Variants in ULK3 observed in about 807,000 individuals in gnomAD.
ULK3 encodes serine/threonine-protein kinase ULK3.
ULK3 carries 54 observed loss-of-function variants against 69.4 expected under a neutral mutation model. The observed-to-expected ratio is 0.78, with a 90% CI of 0.63 to 0.98. ULK3 has a LOEUF of 0.98. ULK3 is among the 50% of genes least tolerant of loss of function. The pLI is 0.00. For synonymous variants in ULK3, 240 were observed against 254.5 expected (o/e 0.94, Z 0.54); for missense variants, 558 against 627.7 (o/e 0.89, Z 1.19).
At chr15:74,839,088 C>T in intron 8 of ULK3, 38 bp from the exon 9 acceptor site, 1 of 1,582,640 alleles carries the variant, frequency 6.3e-7, no homozygotes. Flanking sequence ...TCTGGGCGAA[C>T]CCCTCCCTGC....
Position 74,842,553 on chromosome 15 carries a change from G to T in ULK3, c.103-133C>A. ...GGTCTACCTACTGCACACCAGCACC[G>T]GGCTTCCCAGCTTTCCCTTGTGAGG... On this transcript the variant is annotated intron_variant, in intron 1 of 15. Transcript: ENST00000440863. This position sits in a 1 kb window ranked among gnomAD's most constrained non-coding sequence, Gnocchi z 4.9. 7.3e-7 allele frequency: 1 copy of T among 1,379,210 alleles called. No homozygotes were observed. Among genetic ancestry groups the T allele is most frequent in the Non-Finnish European group, 9.7e-7 (1 of 1,034,476 alleles). 85.4% of individuals were successfully genotyped at this position (1,379,210 alleles called of 1,614,324 possible).
In ULK3 at chr15:74,842,598, C is replaced by T. The variant is rs1432457876; in HGVS notation, c.103-178G>A. 1.3e-6 allele frequency: 2 copies of T among 1,550,414 alleles called. No individual in the cohort carries two copies. The highest frequency in any genetic ancestry group is 2.4e-5 in the East Asian group (1 of 41,856). Reference sequence around the variant, plus strand: ...GTGAGGCCAGTGAGGAATGCTGATTCTGGAATCCTGGCTTCCCGACACAGC... The same window carrying T: ...GTGAGGCCAGTGAGGAATGCTGATTTTGGAATCCTGGCTTCCCGACACAGC... On this transcript the variant is annotated intron_variant, in intron 1 of 15. Transcript: ENST00000440863. The surrounding 1 kb of genome is among the most constrained non-coding windows in gnomAD (Gnocchi z 4.9).
rs948014322 is a variant in ULK3, at chr15:74,837,047, T to C, written c.*181A>G. The C allele has an allele frequency of 6.4e-6, 5 of 779,106 alleles. No homozygotes were observed. The highest frequency in any genetic ancestry group is 2.0e-6 in the Non-Finnish European group (1 of 507,744). 48.3% of individuals were successfully genotyped at this position (779,106 alleles called of 1,614,324 possible). A position where few individuals can be genotyped will look rare whatever the true frequency, so the allele number is the denominator to read the frequency against. ...AGTATACAGCACAGCCATCAAACCA[T>C]CTGTGGGGTGCAGAGTAACCTGAGG... On this transcript the variant is annotated 3_prime_UTR_variant, in exon 16 of 16. Coordinates refer to ENST00000440863, the MANE Select transcript of ULK3 (RefSeq NM_001099436.4).
At position 74,842,605 on chromosome 15, in the gene ULK3, C is replaced by A; in HGVS notation, c.103-185G>T. 1 of 1,544,090 alleles carries A rather than the reference C, an allele frequency of 6.5e-7. No individual in the cohort carries two copies. Among genetic ancestry groups the A allele is most frequent in the Non-Finnish European group, 8.7e-7 (1 of 1,151,902 alleles). On this transcript the variant is annotated intron_variant, in intron 1 of 15. Coordinates refer to ENST00000440863, the MANE Select transcript of ULK3 (RefSeq NM_001099436.4). The surrounding 1 kb of genome is among the most constrained non-coding windows in gnomAD (Gnocchi z 4.9). ...CAGTGAGGAATGCTGATTCTGGAAT[C>A]CTGGCTTCCCGACACAGCCTCAGCC...
chr15:74,840,273 C>G lies in ULK3; in HGVS notation c.657G>C (p.Ser219=). The G allele has an allele frequency of 6.2e-7, 1 of 1,611,326 alleles. No individual in the cohort carries two copies. The highest frequency in any genetic ancestry group is 8.5e-7 in the Non-Finnish European group (1 of 1,178,926). The change falls in exon 6 of 16, where the codon TCG becomes TCC. Residue 219 remains serine (S), a synonymous_variant. Coordinates refer to ENST00000440863, the MANE Select transcript of ULK3 (RefSeq NM_001099436.4). ...GQPPFASRSF[S]ELEEKIRSNR... ...TGCTACGGATCTTCTCTTCCAGCTC[C>G]GAGAACGACCTGGAGGCAAAGGGGG...
Position 74,838,143 on chromosome 15 carries a change from A to T in ULK3, c.1287+9T>A, listed in dbSNP as rs1244405038. On this transcript the variant is annotated intron_variant, in intron 13 of 15. Transcript: ENST00000440863. ...GAAGCCCCCCAACCCTCTCAAGCTC[A>T]GTGGGCACCTCAGTGTGAAGCAGCT... The T allele has an allele frequency of 1.3e-6, 2 of 1,554,196 alleles. No individual in the cohort carries two copies. Among genetic ancestry groups the T allele is most frequent in the East Asian group, 4.8e-5 (2 of 41,286 alleles).
chr15:74,841,483 G>T lies in ULK3; in HGVS notation c.391C>A (p.Arg131=). ...LASALQFLHE[R]NISHLDLKPQ... Reference sequence around the variant, plus strand: ...TTCAGATCCAGGTGAGAGATATTCCGTTCATGCAGGAATTGCAGGGCGCTA... The same window carrying T: ...TTCAGATCCAGGTGAGAGATATTCCTTTCATGCAGGAATTGCAGGGCGCTA... The change falls in exon 4 of 16, where the codon CGG becomes AGG. Residue 131 remains arginine (R), a synonymous_variant. Coordinates refer to ENST00000440863, the MANE Select transcript of ULK3 (RefSeq NM_001099436.4). The T allele has an allele frequency of 6.2e-7, 1 of 1,613,870 alleles. No homozygotes were observed. Among genetic ancestry groups the T allele is most frequent in the Non-Finnish European group, 8.5e-7 (1 of 1,179,832 alleles).
At chr15:74,837,992 C>G in intron 13 of ULK3, 160 bp downstream of exon 13, 5 of 1,292,848 alleles carry the variant, frequency 3.9e-6, no homozygotes, top group Non-Finnish European at 5.3e-6. Context: ...CCCAGATCCC[C>G]CACTGCCCTG....
chr15:74,842,952 G>C lies in ULK3; in HGVS notation c.102+52C>G. ...CTAACCTCTCAGAGTCTCCCCGGCC[G>C]GCACCAGCCGAGCTAGCTCGGGCGG... On this transcript the variant is annotated intron_variant, in intron 1 of 15. Coordinates refer to ENST00000440863, the MANE Select transcript of ULK3 (RefSeq NM_001099436.4). This position sits in a 1 kb window ranked among gnomAD's most constrained non-coding sequence, Gnocchi z 4.9. The C allele has an allele frequency of 1.3e-6, 2 of 1,521,912 alleles. No homozygotes were observed. The highest frequency in any genetic ancestry group is 1.8e-6 in the Non-Finnish European group (2 of 1,129,634). The allele number at this position is 1,521,912 out of a possible 1,614,324, so 94.3% of individuals were successfully genotyped here. A position where few individuals can be genotyped will look rare whatever the true frequency, so the allele number is the denominator to read the frequency against.
intron 13 of ULK3, 144 bp downstream of exon 13, chr15:74,838,008 G>C (rs2141133853): frequency 7.3e-7 from 1 of 1,361,900 alleles, no homozygotes; most frequent in South Asian, 1.4e-5. Context: ...CCCTGTCTGA[G>C]CACCCCAGCC....
In ULK3 at chr15:74,842,749, C is replaced by T; in HGVS notation, c.102+255G>A. On this transcript the variant is annotated intron_variant, in intron 1 of 15. Transcript: ENST00000440863. This position sits in a 1 kb window ranked among gnomAD's most constrained non-coding sequence, Gnocchi z 4.9. ...ACTCTGCCTCCCAACTGGCTCCAGT[C>T]CCAGACTCCTCCCAGCCCACCAGGT... 2 of 1,511,650 alleles carry T rather than the reference C, an allele frequency of 1.3e-6. No individual in the cohort carries two copies. The highest frequency in any genetic ancestry group is 4.0e-5 in the Admixed American group (2 of 50,110). 93.6% of individuals were successfully genotyped at this position (1,511,650 alleles called of 1,614,324 possible). A position where few individuals can be genotyped will look rare whatever the true frequency, so the allele number is the denominator to read the frequency against.
rs1051101590 is a variant in ULK3 at position 74,837,004 on chromosome 15, A to C, written c.*224T>G. 7 of 503,266 alleles carry C rather than the reference A, an allele frequency of 1.4e-5. No individual in the cohort carries two copies. Among genetic ancestry groups the C allele is most frequent in the South Asian group, 5.2e-5 (1 of 19,360 alleles). The allele number at this position is 503,266 out of a possible 1,614,324, so 31.2% of individuals were successfully genotyped here. On this transcript the variant is annotated 3_prime_UTR_variant, in exon 16 of 16. Coordinates refer to ENST00000440863, the MANE Select transcript of ULK3 (RefSeq NM_001099436.4). ...CATGAAAGAAGTGCTGTTCTCCCAG[A>C]GTCCTGCCCTCCCCTCCAGTATACA...
Position 74,837,789 on chromosome 15 carries a change from G to T in ULK3, c.1297C>A (p.Leu433Ile), listed in dbSNP as rs539745300. The T allele has an allele frequency of 6.9e-6, 11 of 1,596,920 alleles. No individual in the cohort carries two copies. In the South Asian group the frequency reaches 1.2e-4, roughly 18 times the overall value. The change falls in exon 14 of 16, where the codon CTC becomes ATC. Residue 433 changes from leucine to isoleucine, a missense_variant. Physicochemically the swap from Leu to Ile is conservative, Grantham distance 5. Transcript: ENST00000440863. Reference sequence around the variant, plus strand: ...TTCAAGTATTCAGCTCGGGCCATGAGGTTCTGAACCTGCCAAGGAAAGATA... The same window carrying T: ...TTCAAGTATTCAGCTCGGGCCATGATGTTCTGAACCTGCCAAGGAAAGATA... ...RELLHTEVQN[L>I]MARAEYLKEQ... is the part of the protein sequence containing the mutation.
chr15:74,838,860 A>AG, intron 9 of ULK3, 115 bp from the exon 10 acceptor site: 7 of 1,400,132 alleles, frequency 5.0e-6, no homozygotes, highest in Non-Finnish European at 6.9e-6. Context: ...TAAACATGTC[A>AG]GGGGGCAAAT....
rs760004031 is a variant in ULK3, at chr15:74,842,425, G to T, written c.103-5C>A. On this transcript the variant is annotated splice_region_variant and splice_polypyrimidine_tract_variant and intron_variant, in intron 1 of 15. Coordinates refer to ENST00000440863, the MANE Select transcript of ULK3 (RefSeq NM_001099436.4). This position sits in a 1 kb window ranked among gnomAD's most constrained non-coding sequence, Gnocchi z 4.9. ...TACCACTTCACGAGTGTCCTTCTGC[G>T]AGACAGGAGATTTGGGGACTCTGCC... The T allele has an allele frequency of 6.2e-7, 1 of 1,613,858 alleles. No homozygotes were observed. The highest frequency in any genetic ancestry group is 8.5e-7 in the Non-Finnish European group (1 of 1,179,884).
chr15:74,843,116 T>TGCGCCC lies in ULK3; in HGVS notation c.-17_-12dup. 1 of 1,272,672 alleles carries TGCGCCC rather than the reference T, an allele frequency of 7.9e-7. No individual in the cohort carries two copies. The highest frequency in any genetic ancestry group is 9.9e-7 in the Non-Finnish European group (1 of 1,005,048). The allele number at this position is 1,272,672 out of a possible 1,614,324, so 78.8% of individuals were successfully genotyped here. A position where few individuals can be genotyped will look rare whatever the true frequency, so the allele number is the denominator to read the frequency against. On this transcript the variant is annotated 5_prime_UTR_variant, in exon 1 of 16. Coordinates refer to ENST00000440863, the MANE Select transcript of ULK3 (RefSeq NM_001099436.4). ...GCCGGGCCCCGCCATTCCGGCCGCC[T>TGCGCCC]GCGCCCGCGCGGGCGCTTCCTCGCT...
Position 74,842,810 on chromosome 15 carries a change from T to TG in ULK3, c.102+193dup. On this transcript the variant is annotated intron_variant, in intron 1 of 15. Coordinates refer to ENST00000440863, the MANE Select transcript of ULK3 (RefSeq NM_001099436.4). This position sits in a 1 kb window ranked among gnomAD's most constrained non-coding sequence, Gnocchi z 4.9. ...GAGCCTGTTCTTCAGCCACTGACCC[T>TG]GCAGGTGGGTGCAGGTGCGCTCTTT... 1 of 1,362,478 alleles carries TG rather than the reference T, an allele frequency of 7.3e-7. No homozygotes were observed. Among genetic ancestry groups the TG allele is most frequent in the Non-Finnish European group, 9.8e-7 (1 of 1,018,888 alleles). The allele number at this position is 1,362,478 out of a possible 1,614,324, so 84.4% of individuals were successfully genotyped here.
Position 74,837,144 on chromosome 15 carries a change from T to C in ULK3, c.*84A>G. 6.7e-7 allele frequency: 1 copy of C among 1,492,138 alleles called. No homozygotes were observed. The highest frequency in any genetic ancestry group is 2.5e-5 in the Admixed American group (1 of 40,668). 92.4% of individuals were successfully genotyped at this position (1,492,138 alleles called of 1,614,324 possible). Reference sequence around the variant, plus strand: ...AGAAGCCTGCTCGCCAGGGCTGCAGTGGGCCACTTCATTCTTGGCGTCAGC... The same window carrying C: ...AGAAGCCTGCTCGCCAGGGCTGCAGCGGGCCACTTCATTCTTGGCGTCAGC... On this transcript the variant is annotated 3_prime_UTR_variant, in exon 16 of 16. Coordinates refer to ENST00000440863, the MANE Select transcript of ULK3 (RefSeq NM_001099436.4).
rs1275608211 is a variant in ULK3 at position 74,842,703 on chromosome 15, C to T, written c.103-283G>A. On this transcript the variant is annotated intron_variant, in intron 1 of 15. Transcript: ENST00000440863. This position sits in a 1 kb window ranked among gnomAD's most constrained non-coding sequence, Gnocchi z 4.9. ...GAGTGCTCCCGGCAGAGGCATGTCA[C>T]TCAGGGTTCTAGAACCGCCCACTCT... 6.5e-7 allele frequency: 1 copy of T among 1,533,544 alleles called. No individual in the cohort carries two copies. Among genetic ancestry groups the T allele is most frequent in the Non-Finnish European group, 8.7e-7 (1 of 1,145,154 alleles). The allele number at this position is 1,533,544 out of a possible 1,614,324, so 95.0% of individuals were successfully genotyped here.
Sources: allele counts gnomAD v4.1 joint callset, GRCh38; gene constraint gnomAD v4.1.1; non-coding constraint Gnocchi (gnomAD v3.1); transcripts MANE v1.5; gene names NCBI Gene and HGNC (gene_info 2026-07-23, HGNC 2026-07-21).